The following NDC80 variants were observed in gnomAD, a reference collection of about 807,000 sequenced individuals.
NDC80 encodes the protein NDC80 kinetochore complex component.
A neutral mutation model predicts 89.3 loss-of-function variants in NDC80; 69 were observed. The ratio of observed to expected loss-of-function variants is 0.77; its 90% CI spans 0.64 to 0.94. The LOEUF (loss-of-function observed/expected upper bound fraction) is 0.94. NDC80 is among the 40% of genes least tolerant of loss of function. The pLI is 0.00. For synonymous variants in NDC80, 243 were observed against 255.6 expected (o/e 0.95, Z 0.47); for missense variants, 593 against 739.6 (o/e 0.80, Z 2.30).
At position 2,614,565 on chromosome 18, in the gene NDC80, G is replaced by GGAAGGAAGGAAGGAAGGA. The variant is rs2072768215; in HGVS notation, c.1792-1872_1792-1871insGAAGGAAGGAAGGAAGGA. ...GAAGGAAGGAAGGAAGGAAGGAAGGGAAAGAAAGAAAGAAAGAAAGAAAGA... is the reference window on the plus strand; with the variant it reads ...GAAGGAAGGAAGGAAGGAAGGAAGGGGAAGGAAGGAAGGAAGGAAAAGAAAGAAAGAAAGAAAGAAAGA... On this transcript the variant is annotated intron_variant, in intron 16 of 16. Transcript: ENST00000261597. The GGAAGGAAGGAAGGAAGGA allele has an allele frequency of 4.3e-4, 2 of 4,660 alleles. 1 individual carries two copies. The highest frequency in any genetic ancestry group is 8.0e-4 in the Non-Finnish European group (2 of 2,506). The allele number at this position is 4,660 out of a possible 1,614,324, so 0.3% of individuals were successfully genotyped here.
chr18:2,599,283 G>T, intron 12 of NDC80, 112 bp downstream of exon 12: 1 of 754,004 alleles, frequency 1.3e-6, no homozygotes, highest in Non-Finnish European at 1.9e-6. Context: ...ATAAAACACT[G>T]AAACTGTATC....
intron 5 of NDC80, 136 bp downstream of exon 5, chr18:2,578,277 A>G: frequency 1.2e-6 from 1 of 803,652 alleles, no homozygotes; most frequent in Non-Finnish European, 1.9e-6. Context: ...ATGTAGGATA[A>G]ATTGAAGAGA....
Position 2,599,024 on chromosome 18 carries a change from AAC to A in NDC80, c.1231_1232del (p.Gln411IlefsTer9). On this transcript the variant is annotated frameshift_variant, in exon 12 of 17. Transcript: ENST00000261597. LOFTEE classifies it high-confidence loss of function. Reference protein sequence around the residue: ...KYARGKEAIETQLAEYHKLAR... With the variant: ...KYARGKEAIEXQLAEYHKLAR... Reference sequence around the variant, plus strand: ...TATGTGTTCTGTTCTTACAGATTGAAACACAATTAGCAGAGTATCACAAATTG... The same window carrying A: ...TATGTGTTCTGTTCTTACAGATTGAAACAATTAGCAGAGTATCACAAATTG... 6.2e-7 allele frequency: 1 copy of A among 1,604,814 alleles called. No individual in the cohort carries two copies. The highest frequency in any genetic ancestry group is 8.5e-7 in the Non-Finnish European group (1 of 1,176,134).
Position 2,574,969 on chromosome 18 carries a change from G to T in NDC80, c.102-20G>T. 1 of 1,502,926 alleles carries T rather than the reference G, an allele frequency of 6.7e-7. No homozygotes were observed. The highest frequency in any genetic ancestry group is 1.2e-5 in the South Asian group (1 of 82,860). The allele number at this position is 1,502,926 out of a possible 1,614,324, so 93.1% of individuals were successfully genotyped here. A position where few individuals can be genotyped will look rare whatever the true frequency, so the allele number is the denominator to read the frequency against. ...ATTTTAATTTTTATTTTAAAGAGTT[G>T]TTTTCTATTTTTCTTAAAGCAAAGA... On this transcript the variant is annotated intron_variant, in intron 2 of 16. Transcript: ENST00000261597.
intron 16 of NDC80, among the ~76,000 whole-genome samples, chr18:2,612,804 G>A (rs1433973414): frequency 6.6e-6 from 1 of 152,150 alleles, no homozygotes; most frequent in East Asian, 1.9e-4. Flanking sequence ...CAAGCACTAA[G>A]CGCTTACTTT....
At chr18:2,590,245 C>A (rs551817060) in intron 10 of NDC80, 83 bp downstream of exon 10, 1 of 1,382,860 alleles carries the variant, frequency 7.2e-7, no homozygotes, top group Non-Finnish European at 9.7e-7. Context: ...TTATCCATAT[C>A]TTTTGTTGTT....
intron 7 of NDC80, among the ~76,000 whole-genome samples, chr18:2,585,604 C>A (rs769415845): frequency 6.6e-6 from 1 of 152,028 alleles, no homozygotes; most frequent in Non-Finnish European, 1.5e-5. Context: ...GTCAAACCAT[C>A]GTTAAGTCAG....
chr18:2,591,815 C>A (rs2072629057), intron 10 of NDC80, among the ~76,000 whole-genome samples: 2 of 149,060 alleles, frequency 1.3e-5, no homozygotes, highest in South Asian at 4.2e-4. Flanking sequence ...AGTGCAGTGG[C>A]ACCATCTCCG....
In NDC80 at chr18:2,586,385, C is replaced by T. The variant is rs997510396; in HGVS notation, c.669+1183C>T. 2.6e-5 allele frequency among the ~76,000 whole-genome samples: 4 copies of T among 152,088 alleles called. No individual in the cohort carries two copies. In the South Asian group the frequency reaches 8.3e-4, roughly 32 times the overall value. On this transcript the variant is annotated intron_variant, in intron 7 of 16. Transcript: ENST00000261597. The stretch of plus-strand genomic sequence containing the variant: ...ACATTGCAATATGTATATTGGGCTG[C>T]CTCTAATTACCCCTCAGTTTTCACC...
chr18:2,598,930 T>C (rs1875845356), intron 11 of NDC80, 89 bp from the exon 12 acceptor site: 1 of 1,284,786 alleles, frequency 7.8e-7, no homozygotes, highest in African/African-American at 1.5e-5. Context: ...AGGTGTGATA[T>C]GTTTTGTATA....
intron 6 of NDC80, chr18:2,582,730 A>G (rs1390622977): frequency 2.0e-5 from 3 of 152,148 alleles, no homozygotes; most frequent in Non-Finnish European, 4.4e-5. Context: ...TGTTATCTTG[A>G]CCTATTGATC....
intron 5 of NDC80, among the ~76,000 whole-genome samples, chr18:2,578,638 TG>T (rs925644901): frequency 1.3e-5 from 2 of 152,148 alleles, no homozygotes; most frequent in Non-Finnish European, 2.9e-5. Flanking sequence ...TGTCATTTAT[TG>T]GGGGTATATT....
Position 2,585,102 on chromosome 18 carries a change from G to A in NDC80, c.580-11G>A. 1.2e-6 allele frequency: 2 copies of A among 1,605,232 alleles called. No individual in the cohort carries two copies. Among genetic ancestry groups the A allele is most frequent in the African/African-American group, 1.3e-5 (1 of 74,818 alleles). ...AGATCAACTTGCTTTTCTTGCTTGT[G>A]TACTAATTAGATACATACTGCCATG... On this transcript the variant is annotated splice_polypyrimidine_tract_variant and intron_variant, in intron 6 of 16. Coordinates refer to ENST00000261597, the MANE Select transcript of NDC80 (RefSeq NM_006101.3).
chr18:2,600,620 CAG>C (rs1213985618), intron 12 of NDC80, among the ~76,000 whole-genome samples: 2 of 150,182 alleles, frequency 1.3e-5, no homozygotes, highest in African/African-American at 2.4e-5. Flanking sequence ...AAAAAAAAAA[CAG>C]AGAGAGAGAT....
rs781257882 is a variant in NDC80, at chr18:2,578,096, A to G, written c.431A>G (p.Asp144Gly). The change falls in exon 5 of 17, where the codon GAC (aspartate) becomes GGC (glycine). Residue 144 changes from aspartate to glycine, a missense_variant. By Grantham distance (94) the Asp-to-Gly change is moderately conservative (BLOSUM62 -1). Coordinates refer to ENST00000261597, the MANE Select transcript of NDC80 (RefSeq NM_006101.3). Reference sequence around the variant, plus strand: ...CTGTGCCCCTCATACGAACTTCCTGACACAAAGTTTGAAGAAGAGGTTCCA... The same window carrying G: ...CTGTGCCCCTCATACGAACTTCCTGGCACAAAGTTTGAAGAAGAGGTTCCA... Reference protein sequence around the residue: ...GFLCPSYELPDTKFEEEVPRI... With the variant: ...GFLCPSYELPGTKFEEEVPRI... 6.2e-7 allele frequency: 1 copy of G among 1,614,060 alleles called. No individual in the cohort carries two copies. The highest frequency in any genetic ancestry group is 1.7e-5 in the Admixed American group (1 of 60,020).
rs372278688 is a variant in NDC80, at chr18:2,577,736, A to G, written c.180-10A>G. 83 of 1,611,240 alleles carry G rather than the reference A, an allele frequency of 5.2e-5. No homozygotes were observed. In the South Asian group the frequency reaches 7.7e-4, roughly 15 times the overall value. On this transcript the variant is annotated splice_polypyrimidine_tract_variant and intron_variant, in intron 3 of 16. Transcript: ENST00000261597. ...TAGTTTTAACTGGCTGTTTAAAAAT[A>G]TATTTCCAGAACTAGTGGACATGGA...
At chr18:2,596,641 A>C (rs1467815615) in intron 11 of NDC80, among the ~76,000 whole-genome samples, 1 of 151,116 alleles carries the variant, frequency 6.6e-6, no homozygotes, top group Non-Finnish European at 1.5e-5. Flanking sequence ...ATCTAGAACT[A>C]GAAATACCAT....
At chr18:2,589,387 T>G in intron 9 of NDC80, 77 bp downstream of exon 9, 1 of 1,000,602 alleles carries the variant, frequency 1.0e-6, no homozygotes, top group Non-Finnish European at 1.5e-6. Context: ...GCTGTCTTTA[T>G]CAAAATTTTA....
intron 11 of NDC80, among the ~76,000 whole-genome samples, chr18:2,597,030 G>A (rs1214313254): frequency 6.6e-6 from 1 of 151,964 alleles, no homozygotes; most frequent in Non-Finnish European, 1.5e-5. Context: ...CTGTTGTGGG[G>A]TGGGGGAGAG....
Sources: gnomAD v4.1 joint callset for allele counts (sites outside exome capture counted in the v4.1 genomes callset) on GRCh38, gnomAD v4.1.1 for gene constraint, MANE v1.5 for transcripts, NCBI Gene and HGNC (gene_info 2026-07-23, HGNC 2026-07-21) for gene names.